The following DOCK4 variants were observed in gnomAD, a reference collection of about 807,000 sequenced individuals.
DOCK4 encodes dedicator of cytokinesis protein 4.
DOCK4 carries 97 observed loss-of-function variants against 268.1 expected under a neutral mutation model. The observed-to-expected ratio is 0.36, with a 90% confidence interval of 0.31 to 0.43. The LOEUF is 0.43. DOCK4 is among the 20% of genes least tolerant of loss of function. The pLI is 1.00. For missense variants in DOCK4, 2,145 were observed against 2,455.7 expected, an observed-to-expected ratio of 0.87 and a Z score of 2.67; for synonymous variants, 954 against 887.2, an observed-to-expected ratio of 1.08 and a Z score of -1.34.
chr7:112,078,486 A>G (rs900573255), intron 1 of DOCK4, among the ~76,000 whole-genome samples: 5 of 152,220 alleles, frequency 3.3e-5, no homozygotes, highest in African/African-American at 1.2e-4. Context: ...AGCTACAGGC[A>G]TGGCACATAG....
chr7:111,728,215 T>A lies in DOCK4; in HGVS notation c.*59A>T. The A allele has an allele frequency of 7.5e-7, 1 of 1,332,448 alleles. No individual in the cohort carries two copies. Among genetic ancestry groups the A allele is most frequent in the Non-Finnish European group, 9.9e-7 (1 of 1,014,142 alleles). The allele number at this position is 1,332,448 out of a possible 1,614,324, so 82.5% of individuals were successfully genotyped here. On this transcript the variant is annotated 3_prime_UTR_variant, in exon 53 of 53. Coordinates refer to ENST00000428084, the MANE Select transcript of DOCK4 (RefSeq NM_001363540.2). ...AGTGCCTACACTAAATGTCTTCTCA[T>A]CATACTTCTTATTTTGTAAACGGGC...
chr7:112,071,119 A>G (rs2522219), intron 1 of DOCK4, among the ~76,000 whole-genome samples: 139,411 of 152,312 alleles, frequency 0.92, 64,024 homozygotes, highest in East Asian at 1. Context: ...GATAGTAGGA[A>G]AAAACCAATT....
intron 24 of DOCK4, among the ~76,000 whole-genome samples, chr7:111,845,853 T>C (rs1190321980): frequency 2.6e-5 from 4 of 152,176 alleles, no homozygotes; most frequent in Non-Finnish European, 5.9e-5. Context: ...CTCTCAGCAA[T>C]TATAATTTGG....
intron 1 of DOCK4, among the ~76,000 whole-genome samples, chr7:112,124,703 A>C (rs1047198348): frequency 6.6e-6 from 1 of 152,228 alleles, no homozygotes; most frequent in African/African-American, 2.4e-5. Flanking sequence ...AAAATCATGT[A>C]TTATCAACTG....
chr7:111,820,967 T>C (rs1801928959), intron 27 of DOCK4: 2 of 152,186 alleles, frequency 1.3e-5, no homozygotes, highest in African/African-American at 4.8e-5. Context: ...ACCAAATGAA[T>C]AGATATTTGA....
At chr7:111,938,429 G>A (rs1472872289) in intron 11 of DOCK4, among the ~76,000 whole-genome samples, 1 of 152,126 alleles carries the variant, frequency 6.6e-6, no homozygotes. Flanking sequence ...CCTCCAGAAT[G>A]GAATACGAAA....
intron 8 of DOCK4, among the ~76,000 whole-genome samples, chr7:111,954,202 T>C (rs1158613910): frequency 6.6e-6 from 1 of 152,192 alleles, no homozygotes; most frequent in Non-Finnish European, 1.5e-5. Context: ...GCTGTTACTG[T>C]GGTCTCGCCT....
intron 16 of DOCK4, among the ~76,000 whole-genome samples, chr7:111,888,627 G>A (rs1214108640): frequency 6.6e-6 from 1 of 152,052 alleles, no homozygotes; most frequent in Non-Finnish European, 1.5e-5. Flanking sequence ...AAGAAAACAA[G>A]AGGACAGGAA....
chr7:111,881,480 G>A (rs1185400905), intron 16 of DOCK4, among the ~76,000 whole-genome samples: 1 of 152,194 alleles, frequency 6.6e-6, no homozygotes, highest in Non-Finnish European at 1.5e-5. Flanking sequence ...TGATGGGAAT[G>A]TCAATTAGTA....
At chr7:112,148,649 G>C (rs1037109737) in intron 1 of DOCK4, among the ~76,000 whole-genome samples, 3 of 152,070 alleles carry the variant, frequency 2.0e-5, no homozygotes, top group Non-Finnish European at 4.4e-5. Context: ...ATTTCAGCTA[G>C]GGCACAGTGA....
At chr7:111,870,649 C>T (rs1203515884) in intron 20 of DOCK4, among the ~76,000 whole-genome samples, 2 of 152,104 alleles carry the variant, frequency 1.3e-5, no homozygotes, top group Non-Finnish European at 2.9e-5. Context: ...AAACAGTTTA[C>T]CCAGCAATGT....
At chr7:112,164,154 C>T (rs1185920190) in intron 1 of DOCK4, among the ~76,000 whole-genome samples, 4 of 152,016 alleles carry the variant, frequency 2.6e-5, no homozygotes, top group African/African-American at 4.8e-5. Flanking sequence ...GGTGTGGTGG[C>T]GCATGCCTCT....
intron 1 of DOCK4, among the ~76,000 whole-genome samples, chr7:112,098,715 T>C (rs1810386988): frequency 6.7e-6 from 1 of 150,180 alleles, no homozygotes; most frequent in Non-Finnish European, 1.5e-5. Flanking sequence ...TTTACATAAT[T>C]ATATAGATTA....
intron 23 of DOCK4, among the ~76,000 whole-genome samples, chr7:111,850,756 AC>A (rs201246708): frequency 0.014 from 2,171 of 151,086 alleles, 49 homozygotes; most frequent in Non-Finnish European, 0.017. Flanking sequence ...CAAGAGAACA[AC>A]CCCCTTTAAC....
intron 36 of DOCK4, among the ~76,000 whole-genome samples, chr7:111,772,907 C>T (rs1253280648): frequency 6.6e-6 from 1 of 152,174 alleles, no homozygotes; most frequent in Non-Finnish European, 1.5e-5. Context: ...GGGCGGAATG[C>T]CAGGTGTGGG....
intron 1 of DOCK4, among the ~76,000 whole-genome samples, chr7:112,182,218 C>T (rs971843028): frequency 6.6e-6 from 1 of 152,130 alleles, no homozygotes; most frequent in African/African-American, 2.4e-5. Context: ...TAGTGCCCGG[C>T]ATGCAGAAGG....
chr7:111,889,605 G>A (rs565154942), intron 16 of DOCK4, among the ~76,000 whole-genome samples: 1 of 152,136 alleles, frequency 6.6e-6, no homozygotes, highest in South Asian at 2.1e-4. Context: ...GTATTTGTTG[G>A]ACTACTATGG....
At chr7:111,969,149 A>G (rs1797482868) in intron 8 of DOCK4, among the ~76,000 whole-genome samples, 1 of 140,526 alleles carries the variant, frequency 7.1e-6, no homozygotes. Flanking sequence ...AGCATGGCAC[A>G]TGTATACATA....
chr7:112,093,594 G>T (rs1044064912), intron 1 of DOCK4, among the ~76,000 whole-genome samples: 2 of 151,996 alleles, frequency 1.3e-5, no homozygotes, highest in African/African-American at 4.8e-5. Flanking sequence ...GCTCATAGTC[G>T]GCAAAAGTAT....
Sources: gnomAD v4.1 joint callset for allele counts (sites outside exome capture counted in the v4.1 genomes callset) on GRCh38, gnomAD v4.1.1 for gene constraint, MANE v1.5 for transcripts, NCBI Gene and HGNC (gene_info 2026-07-23, HGNC 2026-07-21) for gene names.